Variants in IRAK4 observed in about 807,000 individuals in gnomAD.
The protein encoded by IRAK4 is interleukin-1 receptor-associated kinase 4.
A neutral mutation model predicts 51.8 loss-of-function variants in IRAK4; 44 were observed. The observed-to-expected ratio is 0.85, with a 90% CI of 0.67 to 1.09. The LOEUF (loss-of-function observed/expected upper bound fraction) is 1.09, where lower values mean the gene tolerates loss of function less well. Among genes scored for constraint, IRAK4 ranks in the 50% least tolerant of loss-of-function variants. IRAK4 has a pLI of 0.00. For synonymous variants in IRAK4, 149 were observed against 174.1 expected, an observed-to-expected ratio of 0.86 and a Z score of 1.13; for missense variants, 487 against 538.0, an observed-to-expected ratio of 0.91 and a Z score of 0.94.
chr12:43,761,697 T>C (rs1248815718), intron 1 of IRAK4, among the ~76,000 whole-genome samples: 2 of 152,354 alleles, frequency 1.3e-5, no homozygotes, highest in East Asian at 3.9e-4. Flanking sequence ...TCTTTTCCTC[T>C]GATCAAAGTG....
intron 1 of IRAK4, among the ~76,000 whole-genome samples, chr12:43,762,054 G>A (rs1239320990): frequency 6.6e-6 from 1 of 151,884 alleles, no homozygotes; most frequent in Non-Finnish European, 1.5e-5. Context: ...TTTTTGCCCA[G>A]TCTGTTTTCA....
At chr12:43,782,283 C>A (rs1319306923) in intron 8 of IRAK4, 24 bp from the exon 9 acceptor site, 1 of 1,577,362 alleles carries the variant, frequency 6.3e-7, no homozygotes, top group South Asian at 1.1e-5. Flanking sequence ...ACATTTTTTT[C>A]TTCAAACTTT....
intron 2 of IRAK4, among the ~76,000 whole-genome samples, chr12:43,770,199 T>C (rs925246426): frequency 1.3e-5 from 2 of 152,196 alleles, no homozygotes; most frequent in African/African-American, 4.8e-5. Context: ...TGGAAAGAAA[T>C]GGGTTGAAAG....
At chr12:43,763,460 ATTATT>A (rs1381880183) in intron 1 of IRAK4, 1 of 152,196 alleles carries the variant, frequency 6.6e-6, no homozygotes, top group Non-Finnish European at 1.5e-5. Flanking sequence ...GGAAAAGGTA[ATTATT>A]TTATTAAAAT....
At position 43,788,104 on chromosome 12, in the gene IRAK4, G is replaced by A. The variant is rs1052144916; in HGVS notation, c.*1389G>A. ...GTCACATTAAGCCTTTAAGTTTGTGGTAATTTATTATTCAGTAATAGAAAA... is the reference window on the plus strand; with the variant it reads ...GTCACATTAAGCCTTTAAGTTTGTGATAATTTATTATTCAGTAATAGAAAA... On this transcript the variant is annotated 3_prime_UTR_variant, in exon 12 of 12. Transcript: ENST00000613694. The A allele has an allele frequency of 6.6e-6, 1 of 151,994 alleles. No homozygotes were observed. Among genetic ancestry groups the A allele is most frequent in the Admixed American group, 6.6e-5 (1 of 15,246 alleles). 9.4% of individuals were successfully genotyped at this position (151,994 alleles called of 1,614,324 possible).
rs4251468 is a variant in IRAK4, at chr12:43,770,961, TTCTC to T, written c.162-249_162-246del. The T allele has an allele frequency of 7.9e-3, 4,935 of 628,318 alleles. 164 individuals carry two copies. The highest frequency in any genetic ancestry group is 0.078 in the African/African-American group (4,261 of 54,808). The allele number at this position is 628,318 out of a possible 1,614,324, so 38.9% of individuals were successfully genotyped here. ...GATAAGTTAGGCCCTATTTTTCTTT[TTCTC>T]TCTCTCTCTTTTTTTTTCTCTTTCA... On this transcript the variant is annotated intron_variant, in intron 2 of 11. Transcript: ENST00000613694.
At chr12:43,776,556 A>G (rs527319453) in intron 6 of IRAK4, among the ~76,000 whole-genome samples, 2 of 152,388 alleles carry the variant, frequency 1.3e-5, no homozygotes, top group African/African-American at 4.8e-5. Context: ...ATCATGTGCC[A>G]GATACGTTTC....
Position 43,787,837 on chromosome 12 carries a change from A to T in IRAK4, c.*1122A>T, listed in dbSNP as rs1444414663. On this transcript the variant is annotated 3_prime_UTR_variant, in exon 12 of 12. Transcript: ENST00000613694. ...TTTGGGAGGCCGAGGCAGGCAGATC[A>T]CCTGAGGTCAAGAGTTCAAGACCGG... The T allele has an allele frequency of 6.6e-6, 1 of 152,514 alleles. No homozygotes were observed. The highest frequency in any genetic ancestry group is 2.4e-5 in the African/African-American group (1 of 41,420). 9.4% of individuals were successfully genotyped at this position (152,514 alleles called of 1,614,324 possible).
Position 43,782,272 on chromosome 12 carries a change from AACATTTTTTTCTTCAAACTTT to A in IRAK4, c.942-23_942-3del. 3 of 1,536,614 alleles carry A rather than the reference AACATTTTTTTCTTCAAACTTT, an allele frequency of 2.0e-6. No individual in the cohort carries two copies. Among genetic ancestry groups the A allele is most frequent in the Non-Finnish European group, 2.7e-6 (3 of 1,110,548 alleles). ...TGTTTGACTTTTTTGGGGTGGGAAA[AACATTTTTTTCTTCAAACTTT>A]ACATTTTTTTCAGTGCAAATATCTT... On this transcript the variant is annotated splice_polypyrimidine_tract_variant and intron_variant, in intron 8 of 11. Transcript: ENST00000613694.
rs1942386380 is a variant in IRAK4, at chr12:43,788,944, A to G, written c.*2229A>G. The G allele has an allele frequency of 6.6e-6, 1 of 152,198 alleles. No individual in the cohort carries two copies. The highest frequency in any genetic ancestry group is 1.5e-5 in the Non-Finnish European group (1 of 68,032). The allele number at this position is 152,198 out of a possible 1,614,324, so 9.4% of individuals were successfully genotyped here. A position where few individuals can be genotyped will look rare whatever the true frequency, so the allele number is the denominator to read the frequency against. ...CTGTACCACCAACTGTATCTTGGAAATAAATAACTTATATTTTATTTCAGA... is the reference window on the plus strand; with the variant it reads ...CTGTACCACCAACTGTATCTTGGAAGTAAATAACTTATATTTTATTTCAGA... On this transcript the variant is annotated 3_prime_UTR_variant, in exon 12 of 12. Transcript: ENST00000613694.
At chr12:43,763,631 G>A (rs1939806604) in intron 1 of IRAK4, among the ~76,000 whole-genome samples, 2 of 152,008 alleles carry the variant, frequency 1.3e-5, no homozygotes, top group South Asian at 4.1e-4. Context: ...GAGGGTAAAA[G>A]GTCCTGAGAC....
chr12:43,765,625 T>C (rs1190488182), intron 1 of IRAK4, among the ~76,000 whole-genome samples: 1 of 137,584 alleles, frequency 7.3e-6, no homozygotes, highest in Non-Finnish European at 1.5e-5. Context: ...TGGAAATACA[T>C]TTTGCAAAAA....
intron 10 of IRAK4, among the ~76,000 whole-genome samples, chr12:43,784,574 A>G (rs868666267): frequency 1.3e-5 from 2 of 152,212 alleles, no homozygotes; most frequent in African/African-American, 4.8e-5. Flanking sequence ...TGCAGCATAT[A>G]CTTTACCTAA....
intron 10 of IRAK4, 65 bp from the exon 11 acceptor site, chr12:43,786,334 A>AAT (rs1942208851): frequency 1.0e-6 from 1 of 984,094 alleles, no homozygotes; most frequent in Admixed American, 2.9e-5. Context: ...AAATAATTAA[A>AAT]ATATATATTC....
chr12:43,769,033 T>C (rs1306997946), intron 2 of IRAK4, among the ~76,000 whole-genome samples: 1 of 152,210 alleles, frequency 6.6e-6, no homozygotes, highest in East Asian at 1.9e-4. Context: ...TGAAAGAAGC[T>C]TAAGTTTAAA....
intron 6 of IRAK4, among the ~76,000 whole-genome samples, chr12:43,775,723 A>C (rs1023720283): frequency 3.9e-5 from 6 of 152,116 alleles, no homozygotes; most frequent in Admixed American, 6.5e-5. Flanking sequence ...TCTAGGGTAA[A>C]GTCCTAGAAA....
At chr12:43,786,254 C>T in intron 10 of IRAK4, 145 bp from the exon 11 acceptor site, 1 of 499,628 alleles carries the variant, frequency 2.0e-6, no homozygotes. Flanking sequence ...GCTGGGTCTT[C>T]AATTCTTAAT....
At chr12:43,772,524 T>C (rs1940874400) in intron 4 of IRAK4, among the ~76,000 whole-genome samples, 162 bp downstream of exon 4, 1 of 152,196 alleles carries the variant, frequency 6.6e-6, no homozygotes, top group Non-Finnish European at 1.5e-5. Flanking sequence ...ACCATCTTCA[T>C]TGTATTAATC....
At chr12:43,769,210 C>G (rs934878362) in intron 2 of IRAK4, among the ~76,000 whole-genome samples, 1 of 151,848 alleles carries the variant, frequency 6.6e-6, no homozygotes, top group Non-Finnish European at 1.5e-5. Flanking sequence ...AGAATAATAC[C>G]TGCAAATAAT....
Sources: allele counts gnomAD v4.1 joint callset (sites outside exome capture counted in the v4.1 genomes callset), GRCh38; gene constraint gnomAD v4.1.1; transcripts MANE v1.5; gene names NCBI Gene and HGNC (gene_info 2026-07-23, HGNC 2026-07-21).